The following DRC8 variants were observed in gnomAD, a reference collection of about 807,000 sequenced individuals.
DRC8 encodes dynein regulatory complex protein 8.
the DRC8 span, among the ~76,000 whole-genome samples, chr1:245,027,728 G>C: frequency 2.0e-5 from 3 of 152,150 alleles, no homozygotes; most frequent in African/African-American, 7.2e-5. Flanking sequence ...TGACAAGGTA[G>C]AATGTTCATA....
At chr1:245,058,969 T>C in the DRC8 span, among the ~76,000 whole-genome samples, 2 of 152,336 alleles carry the variant, frequency 1.3e-5, no homozygotes, top group East Asian at 1.9e-4. Context: ...ATTTGAACCC[T>C]AGTGGTTTGG....
the DRC8 span, among the ~76,000 whole-genome samples, chr1:245,066,411 G>C: frequency 6.6e-6 from 1 of 152,166 alleles, no homozygotes; most frequent in Non-Finnish European, 1.5e-5. Context: ...GATAATTATA[G>C]CATATAAGAT....
the DRC8 span, among the ~76,000 whole-genome samples, chr1:245,026,214 A>G: frequency 6.0e-4 from 91 of 152,218 alleles, no homozygotes; most frequent in Non-Finnish European, 1.0e-3. Flanking sequence ...GGTATCCAAT[A>G]TTTATTTCTT....
At chr1:245,116,951 C>A in the DRC8 span, among the ~76,000 whole-genome samples, 1 of 152,230 alleles carries the variant, frequency 6.6e-6, no homozygotes. Flanking sequence ...GTAAGCCCTG[C>A]AAAGAAAATT....
chr1:245,124,199 G>C, the DRC8 span: 1 of 168,826 alleles, frequency 5.9e-6, no homozygotes, highest in Non-Finnish European at 1.3e-5. Flanking sequence ...GTGTCACTAG[G>C]TACCACGTTG....
chr1:245,117,687 G>C, the DRC8 span, among the ~76,000 whole-genome samples: 2 of 152,112 alleles, frequency 1.3e-5, no homozygotes, highest in Non-Finnish European at 2.9e-5. Context: ...ATATGCTTCA[G>C]GGCAGGCACG....
At chr1:245,103,879 GA>G in the DRC8 span, among the ~76,000 whole-genome samples, 1 of 152,194 alleles carries the variant, frequency 6.6e-6, no homozygotes, top group Non-Finnish European at 1.5e-5. Flanking sequence ...GATGACAAAA[GA>G]AGGCCCATTC....
chr1:245,087,126 G>A, the DRC8 span: 1 of 1,422,418 alleles, frequency 7.0e-7, no homozygotes, highest in Non-Finnish European at 9.5e-7. Flanking sequence ...CAGCTCCAGG[G>A]AGCGTAACTA....
the DRC8 span, among the ~76,000 whole-genome samples, chr1:244,985,076 G>GTTTTTTTTTTTT: frequency 4.6e-5 from 6 of 130,806 alleles, no homozygotes; most frequent in African/African-American, 1.6e-4. Flanking sequence ...TGTCTCCAGG[G>GTTTTTTTTTTTT]TTTTTTTTTT....
chr1:245,116,130 C>T, the DRC8 span, among the ~76,000 whole-genome samples: 4 of 151,850 alleles, frequency 2.6e-5, no homozygotes, highest in Non-Finnish European at 2.9e-5. Flanking sequence ...TCAAGTGATC[C>T]GCCTGCCTCA....
the DRC8 span, among the ~76,000 whole-genome samples, chr1:244,973,548 A>G: frequency 0.58 from 88,632 of 152,030 alleles, 26,562 homozygotes; most frequent in East Asian, 0.75. Context: ...ACCTAAAAGT[A>G]CACAAAACTC....
chr1:245,021,305 T>C, the DRC8 span, among the ~76,000 whole-genome samples: 2 of 152,216 alleles, frequency 1.3e-5, no homozygotes, highest in East Asian at 1.9e-4. Flanking sequence ...AAAGGAGTTA[T>C]CAGACCAAAA....
chr1:245,025,647 C>T, the DRC8 span, among the ~76,000 whole-genome samples: 2 of 152,122 alleles, frequency 1.3e-5, no homozygotes, highest in East Asian at 1.9e-4. Context: ...ACAGTGCGAC[C>T]TTATTTTTAG....
the DRC8 span, among the ~76,000 whole-genome samples, chr1:245,004,545 TTA>T: frequency 6.6e-6 from 1 of 152,108 alleles, no homozygotes; most frequent in African/African-American, 2.4e-5. Flanking sequence ...ACTCAGTGAA[TTA>T]TATGTTTTAA....
At chr1:245,082,789 C>T in the DRC8 span, among the ~76,000 whole-genome samples, 1 of 152,086 alleles carries the variant, frequency 6.6e-6, no homozygotes, top group East Asian at 1.9e-4. Flanking sequence ...ACTGCAACCT[C>T]CACCTCCTGG....
the DRC8 span, among the ~76,000 whole-genome samples, chr1:245,061,549 T>TTA: frequency 6.6e-6 from 1 of 152,178 alleles, no homozygotes; most frequent in Admixed American, 6.5e-5. Flanking sequence ...GATAAACAGC[T>TTA]TTGGGTATAA....
chr1:245,064,232 T>C, the DRC8 span, among the ~76,000 whole-genome samples: 1 of 152,058 alleles, frequency 6.6e-6, no homozygotes, highest in Non-Finnish European at 1.5e-5. Context: ...TAAAACTACT[T>C]AGGAATGAAA....
chr1:244,970,072 T>C, the DRC8 span: 1 of 650,126 alleles, frequency 1.5e-6, no homozygotes, highest in East Asian at 3.1e-5. Flanking sequence ...TGTCCCCAAA[T>C]GGATGAGAAA....
At chr1:245,076,642 A>C in the DRC8 span, among the ~76,000 whole-genome samples, 7 of 152,224 alleles carry the variant, frequency 4.6e-5, no homozygotes, top group African/African-American at 1.7e-4. Flanking sequence ...AATTCATTTC[A>C]GTATAATTGA....
Sources: allele counts gnomAD v4.1 joint callset (sites outside exome capture counted in the v4.1 genomes callset), GRCh38; gene constraint gnomAD v4.1.1; transcripts MANE v1.5; gene names NCBI Gene and HGNC (gene_info 2026-07-23, HGNC 2026-07-21).